Variants in ATP10B observed in about 807,000 individuals in gnomAD.
ATP10B encodes the protein ATPase phospholipid transporting 10B (putative), also known as phospholipid-transporting ATPase VB.
ATP10B carries 122 observed loss-of-function variants against 141.2 expected under a neutral mutation model. The ratio of observed to expected loss-of-function variants is 0.86; its 90% CI spans 0.75 to 1.00. ATP10B has a LOEUF of 1.00. ATP10B is among the 50% of genes least tolerant of loss of function. ATP10B has a pLI of 0.00. For synonymous variants in ATP10B, 685 were observed against 692.0 expected (o/e 0.99, Z 0.16); for missense variants, 1,876 against 1,825.3 (o/e 1.03, Z -0.51).
rs115051473 is a variant in ATP10B at position 160,633,923 on chromosome 5, T to C, written c.1381+431A>G. On this transcript the variant is annotated intron_variant, in intron 12 of 25. Coordinates refer to ENST00000327245, the MANE Select transcript of ATP10B (RefSeq NM_025153.3). ...AAGAGATCTGTTAGAATAGAAGACA[T>C]CTTCTGGATGTATTAAATCTGACCA... The C allele has an allele frequency of 5.4e-3, 1,734 of 323,968 alleles. 20 individuals are homozygous for C. The highest frequency in any genetic ancestry group is 0.035 in the African/African-American group (1,614 of 46,534). The allele number at this position is 323,968 out of a possible 1,614,324, so 20.1% of individuals were successfully genotyped here. A position where few individuals can be genotyped will look rare whatever the true frequency, so the allele number is the denominator to read the frequency against.
intron 18 of ATP10B, among the ~76,000 whole-genome samples, chr5:160,607,329 C>T (rs909459338): frequency 5.3e-5 from 8 of 152,148 alleles, no homozygotes; most frequent in African/African-American, 1.9e-4. Flanking sequence ...GAAAGTAGCT[C>T]AGCAAGATGG....
the ATP10B span, among the ~76,000 whole-genome samples, chr5:160,911,665 A>G: frequency 6.6e-6 from 1 of 152,168 alleles, no homozygotes; most frequent in East Asian, 1.9e-4. Context: ...AAGAAATGAG[A>G]GATGTATTTC....
At chr5:160,653,800 T>A in intron 7 of ATP10B, among the ~76,000 whole-genome samples, 1 of 120,176 alleles carries the variant, frequency 8.3e-6, no homozygotes, top group African/African-American at 3.4e-5. Context: ...TATATAGACG[T>A]ATATACATAT....
At chr5:160,688,972 G>T (rs1423802256) in intron 3 of ATP10B, 29 bp from the exon 4 acceptor site, 3 of 982,392 alleles carry the variant, frequency 3.1e-6, no homozygotes, top group Non-Finnish European at 3.6e-6. Flanking sequence ...TTAAGCAGAT[G>T]GTCTGCCCAG....
chr5:160,846,553 C>G (rs1776130045), intron 1 of ATP10B, among the ~76,000 whole-genome samples: 1 of 152,106 alleles, frequency 6.6e-6, no homozygotes, highest in Non-Finnish European at 1.5e-5. Flanking sequence ...CACCTGTATT[C>G]CTTAATGAGT....
the ATP10B span, among the ~76,000 whole-genome samples, chr5:160,874,467 C>T: frequency 2.8e-4 from 42 of 152,196 alleles, no homozygotes; most frequent in African/African-American, 6.5e-4. Context: ...AACTCTAAAA[C>T]GCAGAGTGCC....
intron 2 of ATP10B, among the ~76,000 whole-genome samples, chr5:160,736,612 T>C (rs771053952): frequency 6.6e-6 from 1 of 151,794 alleles, no homozygotes; most frequent in Non-Finnish European, 1.5e-5. Context: ...ATACAAAAAT[T>C]AGCCAGGCGT....
chr5:160,639,741 G>A (rs1181066394), intron 10 of ATP10B, among the ~76,000 whole-genome samples: 1 of 152,132 alleles, frequency 6.6e-6, no homozygotes, highest in South Asian at 2.1e-4. Context: ...GGTTTCAGGG[G>A]TTTCAGGATG....
the ATP10B span, among the ~76,000 whole-genome samples, chr5:160,857,999 T>C: frequency 1.3e-5 from 2 of 151,992 alleles, no homozygotes; most frequent in African/African-American, 2.4e-5. Flanking sequence ...AGAAGTATTC[T>C]ACAATTGTCT....
intron 13 of ATP10B, among the ~76,000 whole-genome samples, chr5:160,631,373 C>T (rs1758930008): frequency 6.6e-6 from 1 of 152,184 alleles, no homozygotes; most frequent in Middle Eastern, 3.2e-3. Flanking sequence ...GTTTTCTTTG[C>T]TTGCTACCTG....
intron 2 of ATP10B, among the ~76,000 whole-genome samples, chr5:160,783,439 TC>T (rs1244707199): frequency 5.4e-5 from 6 of 111,902 alleles, no homozygotes; most frequent in African/African-American, 2.0e-4. Context: ...GATAGATATA[TC>T]CATCACATAT....
chr5:160,626,212 T>A (rs561419915), intron 13 of ATP10B, among the ~76,000 whole-genome samples: 1 of 152,384 alleles, frequency 6.6e-6, no homozygotes, highest in South Asian at 2.1e-4. Flanking sequence ...CAGTTTTTTA[T>A]GTAAGAGCTT....
At chr5:160,594,572 C>A (rs1214389539) in intron 22 of ATP10B, among the ~76,000 whole-genome samples, 1 of 151,602 alleles carries the variant, frequency 6.6e-6, no homozygotes, top group Non-Finnish European at 1.5e-5. Context: ...CTAAATGCTC[C>A]AATTAAAAGA....
At chr5:160,848,791 GA>G (rs560048187) in intron 1 of ATP10B, among the ~76,000 whole-genome samples, 25 of 152,278 alleles carry the variant, frequency 1.6e-4, no homozygotes, top group African/African-American at 5.3e-4. Flanking sequence ...AGTTGAGAGG[GA>G]AAACTTTTAC....
At chr5:160,578,123 TTTAG>T (rs935509070) in intron 24 of ATP10B, among the ~76,000 whole-genome samples, 1 of 152,200 alleles carries the variant, frequency 6.6e-6, no homozygotes, top group African/African-American at 2.4e-5. Flanking sequence ...TATATTTCAA[TTTAG>T]TTAAACATCT....
At chr5:160,628,499 C>A (rs1758729222) in intron 13 of ATP10B, among the ~76,000 whole-genome samples, 1 of 152,142 alleles carries the variant, frequency 6.6e-6, no homozygotes, top group South Asian at 2.1e-4. Flanking sequence ...TAAATCTCTT[C>A]CAAAGAAAGA....
chr5:160,869,749 G>A, the ATP10B span, among the ~76,000 whole-genome samples: 1 of 152,132 alleles, frequency 6.6e-6, no homozygotes, highest in Non-Finnish European at 1.5e-5. Flanking sequence ...ATCACAGTGG[G>A]AACCTGGGCC....
intron 2 of ATP10B, among the ~76,000 whole-genome samples, chr5:160,726,021 G>C (rs66849773): frequency 0.091 from 13,872 of 152,158 alleles, 791 homozygotes; most frequent in Middle Eastern, 0.11. Context: ...CTCAATCATG[G>C]AATGAGAGTC....
At chr5:160,632,537 C>T (rs768637411) in intron 12 of ATP10B, 170 bp from the exon 13 acceptor site, 1 of 591,136 alleles carries the variant, frequency 1.7e-6, no homozygotes, top group East Asian at 2.7e-5. Flanking sequence ...AAACTAAGTC[C>T]CACAGATTCA....
Sources: allele counts gnomAD v4.1 joint callset (sites outside exome capture counted in the v4.1 genomes callset), GRCh38; gene constraint gnomAD v4.1.1; transcripts MANE v1.5; gene names NCBI Gene and HGNC (gene_info 2026-07-23, HGNC 2026-07-21).